PCDHGB3: variants seen among roughly 807,000 people sequenced by gnomAD.
PCDHGB3 encodes protocadherin gamma-B3.
A neutral mutation model predicts 59.2 loss-of-function variants in PCDHGB3; 40 were observed. The observed-to-expected ratio is 0.68, with a 90% CI of 0.52 to 0.88. The LOEUF is 0.88. Among genes scored for constraint, PCDHGB3 ranks in the 40% least tolerant of loss-of-function variants. PCDHGB3 has a pLI of 0.00. For missense variants in PCDHGB3, 1,309 were observed against 1,187.9 expected, an observed-to-expected ratio of 1.10 and a Z score of -1.50; for synonymous variants, 581 against 503.6, an observed-to-expected ratio of 1.15 and a Z score of -2.06.
intron 1 of PCDHGB3, among the ~76,000 whole-genome samples, chr5:141,437,426 C>T (rs531265278): frequency 6.6e-6 from 1 of 152,268 alleles, no homozygotes; most frequent in South Asian, 2.1e-4. Flanking sequence ...CTTTTTGAAG[C>T]AGCAATAGCA....
At position 141,476,387 on chromosome 5, in the gene PCDHGB3, C is replaced by T. The variant is rs147660262; in HGVS notation, c.2416-18420C>T. The T allele has an allele frequency of 6.2e-6, 10 of 1,613,958 alleles. No homozygotes were observed. Among genetic ancestry groups the T allele is most frequent in the Non-Finnish European group, 7.6e-6 (9 of 1,180,032 alleles). ...GACCGGAGAGATGTTTGTGAACGAC[C>T]GTCTGGATCGAGAGGAGCTGTGTGG... On this transcript the variant is annotated intron_variant, in intron 1 of 3. Coordinates refer to ENST00000576222, the MANE Select transcript of PCDHGB3 (RefSeq NM_018924.5). This position sits in a 1 kb window ranked among gnomAD's most constrained non-coding sequence, Gnocchi z 7.6.
intron 1 of PCDHGB3, among the ~76,000 whole-genome samples, chr5:141,437,250 G>T (rs1191184272): frequency 6.6e-6 from 1 of 152,102 alleles, no homozygotes; most frequent in African/African-American, 2.4e-5. Flanking sequence ...GACTTTCCTT[G>T]TCTTTTTATG....
chr5:141,403,242 C>A, intron 1 of PCDHGB3: 1 of 1,613,932 alleles, frequency 6.2e-7, no homozygotes, highest in Non-Finnish European at 8.5e-7. Flanking sequence ...GAGCTCTGTG[C>A]TCAGAGCCCG....
chr5:141,465,240 G>C (rs569146939), intron 1 of PCDHGB3, among the ~76,000 whole-genome samples: 22 of 152,168 alleles, frequency 1.4e-4, no homozygotes, highest in African/African-American at 5.3e-4. Flanking sequence ...TCAAGTTCAA[G>C]GCACTTTTGT....
Position 141,450,758 on chromosome 5 carries a change from A to C in PCDHGB3, c.2416-44049A>C, listed in dbSNP as rs1007910264. On this transcript the variant is annotated intron_variant, in intron 1 of 3. Transcript: ENST00000576222. ...CGCCTTGGCCTCCCAAAGTGCCGGGATTACAGGCATGAGCCACCGTGCCCG... is the reference window on the plus strand; with the variant it reads ...CGCCTTGGCCTCCCAAAGTGCCGGGCTTACAGGCATGAGCCACCGTGCCCG... Among the ~76,000 whole-genome samples the C allele has an allele frequency of 5.3e-5, 8 of 151,784 alleles. No individual in the cohort carries two copies. In the East Asian group the frequency reaches 1.4e-3, roughly 26 times the overall value.
At chr5:141,409,761 T>C (rs1373037367) in intron 1 of PCDHGB3, 1 of 1,612,966 alleles carries the variant, frequency 6.2e-7, no homozygotes, top group African/African-American at 1.3e-5. Flanking sequence ...CAGCGCGCCT[T>C]TGATCACGAG....
chr5:141,475,547 G>A (rs2099364977), intron 1 of PCDHGB3, among the ~76,000 whole-genome samples: 1 of 152,176 alleles, frequency 6.6e-6, no homozygotes, highest in Non-Finnish European at 1.5e-5. Context: ...AGTAGGGTCC[G>A]GCTAATTGTC....
chr5:141,384,543 G>A (rs767368247), intron 1 of PCDHGB3: 4 of 1,614,256 alleles, frequency 2.5e-6, no homozygotes, highest in South Asian at 1.1e-5. Context: ...ACATGTCACT[G>A]AGCCTGTTCG....
In PCDHGB3 at chr5:141,489,120, G is replaced by C; in HGVS notation, c.2416-5687G>C. The C allele has an allele frequency of 1.1e-5, 5 of 445,662 alleles. No homozygotes were observed. Among genetic ancestry groups the C allele is most frequent in the East Asian group, 3.8e-5 (1 of 26,010 alleles). The allele number at this position is 445,662 out of a possible 1,614,324, so 27.6% of individuals were successfully genotyped here. ...AACTGCTGCAAGCAGGCAAACCTCC[G>C]AGCAGTTTTTAAGAGGCTGGAAGGA... On this transcript the variant is annotated intron_variant, in intron 1 of 3. Transcript: ENST00000576222. This position sits in a 1 kb window ranked among gnomAD's most constrained non-coding sequence, Gnocchi z 4.5.
chr5:141,421,614 T>C (rs552534116), intron 1 of PCDHGB3: 3 of 1,613,810 alleles, frequency 1.9e-6, no homozygotes, highest in South Asian at 2.2e-5. Flanking sequence ...ATATTAATGA[T>C]AACGCCCCCA....
At chr5:141,403,699 T>G (rs780425739) in intron 1 of PCDHGB3, 6 of 1,613,934 alleles carry the variant, frequency 3.7e-6, no homozygotes, top group East Asian at 2.2e-5. Context: ...TTTACCGAGT[T>G]AAAGTCCTTG....
intron 1 of PCDHGB3, chr5:141,377,300 T>A (rs929187277): frequency 3.3e-5 from 5 of 152,140 alleles, no homozygotes; most frequent in Admixed American, 2.6e-4. Flanking sequence ...TTTAGGTCAG[T>A]GTTAAAGATC....
chr5:141,497,492 C>G (rs954582026), intron 2 of PCDHGB3, among the ~76,000 whole-genome samples: 1 of 151,628 alleles, frequency 6.6e-6, no homozygotes, highest in Non-Finnish European at 1.5e-5. Flanking sequence ...ACCTCTCTCT[C>G]TCTCCTCTCT....
chr5:141,427,109 C>A lies in PCDHGB3; in HGVS notation c.2415+54300C>A, dbSNP rs141512367. On this transcript the variant is annotated intron_variant, in intron 1 of 3. Coordinates refer to ENST00000576222, the MANE Select transcript of PCDHGB3 (RefSeq NM_018924.5). ...AGGATGAGGGTGTCAATGCGGAGAT[C>A]ACCTACTCTTTCAAATCCCTACGAG... 1,737 of 457,784 alleles carry A rather than the reference C, an allele frequency of 3.8e-3. 17 individuals carry two copies. Among genetic ancestry groups the A allele is most frequent in the Admixed American group, 0.01 (426 of 42,600 alleles). 28.4% of individuals were successfully genotyped at this position (457,784 alleles called of 1,614,324 possible). A position where few individuals can be genotyped will look rare whatever the true frequency, so the allele number is the denominator to read the frequency against.
intron 1 of PCDHGB3, among the ~76,000 whole-genome samples, chr5:141,444,482 T>G (rs1346576719): frequency 6.6e-6 from 1 of 152,000 alleles, no homozygotes; most frequent in Non-Finnish European, 1.5e-5. Context: ...CGTACTGGAT[T>G]TATATTGTGT....
intron 1 of PCDHGB3, chr5:141,419,444 G>A: frequency 6.2e-7 from 1 of 1,613,088 alleles, no homozygotes; most frequent in Non-Finnish European, 8.5e-7. Context: ...GCGCACCTTC[G>A]AGCTCACGCT....
At chr5:141,423,632 T>G in intron 1 of PCDHGB3, 1 of 1,602,602 alleles carries the variant, frequency 6.2e-7, no homozygotes, top group Non-Finnish European at 8.5e-7. Flanking sequence ...GCTATCATTT[T>G]AGGCAAATGT....
chr5:141,375,125 G>C (rs376049572), intron 1 of PCDHGB3: 128 of 1,613,766 alleles, frequency 7.9e-5, no homozygotes, highest in African/African-American at 1.3e-5. Context: ...ACCAGAAGTG[G>C]TTGTTACATC....
At chr5:141,389,034 T>C (rs369402592) in intron 1 of PCDHGB3, 34 of 1,613,840 alleles carry the variant, frequency 2.1e-5, no homozygotes, top group East Asian at 4.5e-5. Flanking sequence ...GACTTGTAAA[T>C]TGGAAGGTGA....
Sources: gnomAD v4.1 joint callset for allele counts (sites outside exome capture counted in the v4.1 genomes callset) on GRCh38, gnomAD v4.1.1 for gene constraint, Gnocchi (gnomAD v3.1) non-coding constraint, MANE v1.5 for transcripts, NCBI Gene and HGNC (gene_info 2026-07-23, HGNC 2026-07-21) for gene names.